The following SCOC variants were observed in gnomAD, a reference collection of about 807,000 sequenced individuals.
The protein encoded by SCOC is short coiled coil protein.
Under a neutral mutation model 9.9 loss-of-function variants are expected in SCOC, and 7 were observed. The observed-to-expected ratio is 0.71, with a 90% CI of 0.40 to 1.33. The LOEUF (loss-of-function observed/expected upper bound fraction) is 1.33, where lower values mean the gene tolerates loss of function less well. SCOC is among the 40% of genes most tolerant of loss of function. The pLI is 0.01. For synonymous variants in SCOC, 19 were observed against 28.2 expected (o/e 0.67, Z 1.03); for missense variants, 66 against 89.7 (o/e 0.74, Z 1.07).
chr4:140,316,608 T>C (rs899680745), intron 1 of SCOC, among the ~76,000 whole-genome samples: 2 of 152,070 alleles, frequency 1.3e-5, no homozygotes, highest in African/African-American at 4.8e-5. Flanking sequence ...AGTGAGTGTG[T>C]GGAGGGAGTC....
chr4:140,348,575 T>TACACACACACAC (rs146966355), intron 2 of SCOC, among the ~76,000 whole-genome samples: 8 of 150,980 alleles, frequency 5.3e-5, no homozygotes, highest in East Asian at 1.9e-4. Context: ...TGTATATATA[T>TACACACACACAC]ACGCACACAC....
At chr4:140,343,581 A>C in intron 1 of SCOC, 3 of 1,373,474 alleles carry the variant, frequency 2.2e-6, no homozygotes, top group African/African-American at 1.4e-5. Context: ...CACATGGGAC[A>C]ACTGCTGCTT....
chr4:140,290,824 C>T (rs919870608), intron 1 of SCOC, among the ~76,000 whole-genome samples: 3 of 152,142 alleles, frequency 2.0e-5, no homozygotes, highest in South Asian at 2.1e-4. Flanking sequence ...CAAAAACAAA[C>T]AAACAAACAA....
intron 1 of SCOC, among the ~76,000 whole-genome samples, chr4:140,301,054 G>A (rs979637442): frequency 8.3e-4 from 126 of 152,234 alleles, no homozygotes; most frequent in African/African-American, 2.6e-3. Flanking sequence ...ACAAAGGAGC[G>A]AAGGTTGTCA....
intron 1 of SCOC, among the ~76,000 whole-genome samples, chr4:140,267,536 C>T (rs543469336): frequency 9.5e-4 from 144 of 152,186 alleles, no homozygotes; most frequent in Middle Eastern, 3.4e-3. Flanking sequence ...TTTCTAAGAT[C>T]GGAGGATGAT....
chr4:140,379,466 T>C (rs1253287985), intron 2 of SCOC, 103 bp from the exon 3 acceptor site: 10 of 850,560 alleles, frequency 1.2e-5, no homozygotes, highest in Admixed American at 4.8e-5. Context: ...CTTGTATAAG[T>C]CAAGTAAGAA....
chr4:140,370,489 T>G (rs1440717595), upstream of SCOC, among the ~76,000 whole-genome samples: 1 of 152,196 alleles, frequency 6.6e-6, no homozygotes, highest in Admixed American at 6.5e-5. Context: ...TCTCACTCCT[T>G]AAGACTGTAA....
At chr4:140,355,615 C>T (rs1402137257) in intron 2 of SCOC, among the ~76,000 whole-genome samples, 3 of 152,068 alleles carry the variant, frequency 2.0e-5, no homozygotes, top group Non-Finnish European at 2.9e-5. Flanking sequence ...ATTGCAGGTA[C>T]TGAATAATGA....
intron 1 of SCOC, among the ~76,000 whole-genome samples, chr4:140,321,737 G>A (rs1461007450): frequency 6.6e-6 from 1 of 152,140 alleles, no homozygotes; most frequent in Non-Finnish European, 1.5e-5. Context: ...TGAAATCCCA[G>A]AATGAGAAGA....
At chr4:140,354,509 C>CTTTTTTTTTTTTTTTT in intron 2 of SCOC, among the ~76,000 whole-genome samples, 1 of 103,730 alleles carries the variant, frequency 9.6e-6, no homozygotes, top group Non-Finnish European at 1.9e-5. Flanking sequence ...TCTCAAAGAA[C>CTTTTTTTTTTTTTTTT]TTTTTTTTTT....
Position 140,350,490 on chromosome 4 carries a change from C to T in SCOC, c.70+6782C>T, listed in dbSNP as rs148290799. Among the ~76,000 whole-genome samples the T allele has an allele frequency of 5.3e-4, 81 of 152,328 alleles. 1 individual carries two copies. The highest frequency in any genetic ancestry group is 1.9e-3 in the African/African-American group (78 of 41,576). On this transcript the variant is annotated intron_variant, in intron 2 of 4. Transcript: ENST00000338517. ...TCCTAAATTGTCTCTACTTTTTAGA[C>T]ACTTCTTTTCTATTGTCTCTTCTTT...
chr4:140,380,907 TATG>T, intron 3 of SCOC, 52 bp from the exon 4 acceptor site: 1 of 1,292,392 alleles, frequency 7.7e-7, no homozygotes. Flanking sequence ...AATTTTGTAA[TATG>T]GAATCATTGT....
At chr4:140,317,274 A>T (rs1436180270) in intron 1 of SCOC, among the ~76,000 whole-genome samples, 1 of 152,214 alleles carries the variant, frequency 6.6e-6, no homozygotes, top group Non-Finnish European at 1.5e-5. Context: ...CAAACAAAGA[A>T]GAAGTAAAAA....
intron 1 of SCOC, among the ~76,000 whole-genome samples, chr4:140,279,828 A>G (rs1036628017): frequency 6.6e-6 from 1 of 152,066 alleles, no homozygotes; most frequent in Non-Finnish European, 1.5e-5. Flanking sequence ...CCAGTATTCC[A>G]GGGTAGGTGT....
chr4:140,380,316 G>A (rs1728523977), intron 3 of SCOC, among the ~76,000 whole-genome samples: 1 of 148,854 alleles, frequency 6.7e-6, no homozygotes, highest in African/African-American at 2.5e-5. Context: ...TCCTGTCTCA[G>A]CCTCCCGAGT....
chr4:140,362,304 T>TCTTCTTCTTC (rs1415210513), intron 2 of SCOC, among the ~76,000 whole-genome samples: 1 of 55,144 alleles, frequency 1.8e-5, no homozygotes, highest in African/African-American at 6.2e-5. Flanking sequence ...TTCTTCTTTT[T>TCTTCTTCTTC]TTTTTTTTTT....
chr4:140,331,749 C>T (rs552978075), intron 1 of SCOC, among the ~76,000 whole-genome samples: 1 of 152,292 alleles, frequency 6.6e-6, no homozygotes, highest in South Asian at 2.1e-4. Flanking sequence ...TTTATATCTC[C>T]CCTAGCTTCT....
At chr4:140,373,751 C>G (rs747760733) in intron 1 of SCOC, 34 bp downstream of exon 1, 1 of 1,533,112 alleles carries the variant, frequency 6.5e-7, no homozygotes, top group Non-Finnish European at 8.8e-7. Flanking sequence ...AGGGCCTGGC[C>G]CCAGGCGACT....
At chr4:140,260,294 A>G (rs1216301013) in intron 1 of SCOC, among the ~76,000 whole-genome samples, 1 of 152,240 alleles carries the variant, frequency 6.6e-6, no homozygotes, top group African/African-American at 2.4e-5. Flanking sequence ...AACAGAAGAG[A>G]AAGCAACTGA....
Sources: allele counts gnomAD v4.1 joint callset (sites outside exome capture counted in the v4.1 genomes callset), GRCh38; gene constraint gnomAD v4.1.1; transcripts MANE v1.5; gene names NCBI Gene and HGNC (gene_info 2026-07-23, HGNC 2026-07-21).